Variants in TDRP observed in about 807,000 individuals in gnomAD.
TDRP encodes testis development-related protein.
In TDRP, 12 loss-of-function variants were observed where a neutral mutation model predicts 10.5. That is an observed-to-expected ratio of 1.15 (90% CI 0.73 to 1.86). TDRP has a LOEUF of 1.86. Ranked by LOEUF, TDRP falls within the 40% of genes most tolerant of loss-of-function variation. TDRP has a pLI of 0.00. For synonymous variants in TDRP, 139 were observed against 95.4 expected (o/e 1.46, Z -2.67); for missense variants, 353 against 229.2 (o/e 1.54, Z -3.49).
At position 531,017 on chromosome 8, in the gene TDRP, G is replaced by A. The variant is rs1563130615; in HGVS notation, c.108+13633C>T. Among the ~76,000 whole-genome samples, 7 of 152,146 alleles carry A rather than the reference G, an allele frequency of 4.6e-5. No individual in the cohort carries two copies. The South Asian group carries it at 1.5e-3, about 32-fold the overall frequency. ...TATGCCAGTTCCCAGTCAGCACTGA[G>A]TCAGGAGAGACAGAAACCAGTCCAT... On this transcript the variant is annotated intron_variant, in intron 1 of 2. Transcript: ENST00000324079.
intron 1 of TDRP, among the ~76,000 whole-genome samples, chr8:528,559 G>A (rs1175303989): frequency 2.9e-5 from 4 of 140,196 alleles, no homozygotes; most frequent in Non-Finnish European, 6.4e-5. Context: ...ATAAGATCTG[G>A]TACTTGACAG....
intron 1 of TDRP, among the ~76,000 whole-genome samples, chr8:501,835 G>C (rs1801310724): frequency 6.6e-6 from 1 of 152,212 alleles, no homozygotes; most frequent in Non-Finnish European, 1.5e-5. Context: ...TGGCGTCCCT[G>C]CAGTCATGGG....
intron 1 of TDRP, among the ~76,000 whole-genome samples, chr8:532,621 C>T (rs1802237296): frequency 6.6e-6 from 1 of 152,146 alleles, no homozygotes; most frequent in Non-Finnish European, 1.5e-5. Context: ...ATGGAAGCTC[C>T]GGAAGAATAT....
chr8:531,183 C>T (rs1385906799), intron 1 of TDRP, among the ~76,000 whole-genome samples: 1 of 151,832 alleles, frequency 6.6e-6, no homozygotes, highest in Non-Finnish European at 1.5e-5. Flanking sequence ...CTTTTTTTTT[C>T]TCCTACTTCA....
Position 534,101 on chromosome 8 carries a change from G to A in TDRP, c.108+10549C>T, listed in dbSNP as rs190744167. Among the ~76,000 whole-genome samples the A allele has an allele frequency of 4.0e-4, 61 of 152,230 alleles. 1 individual carries two copies. Among genetic ancestry groups the A allele is most frequent in the Non-Finnish European group, 2.9e-4 (20 of 68,016 alleles). On this transcript the variant is annotated intron_variant, in intron 1 of 2. Coordinates refer to ENST00000324079, the MANE Select transcript of TDRP (RefSeq NM_001384899.1). ...ATCAGAAATTTGTCATAACCTATAAGGTAAGAGAATTCAACAAAGAATATA... is the reference window on the plus strand; with the variant it reads ...ATCAGAAATTTGTCATAACCTATAAAGTAAGAGAATTCAACAAAGAATATA...
chr8:521,029 T>C (rs1254028160), intron 1 of TDRP, among the ~76,000 whole-genome samples: 2 of 152,140 alleles, frequency 1.3e-5, no homozygotes, highest in African/African-American at 4.8e-5. Context: ...GAACCTTTTC[T>C]CCCGTTTTCT....
At chr8:541,529 A>G (rs1435892208) in intron 1 of TDRP, among the ~76,000 whole-genome samples, 1 of 152,262 alleles carries the variant, frequency 6.6e-6, no homozygotes, top group African/African-American at 2.4e-5. Flanking sequence ...CTAGTATCCA[A>G]AACATACAAA....
intron 1 of TDRP, among the ~76,000 whole-genome samples, chr8:522,977 C>T (rs1801945511): frequency 1.3e-5 from 2 of 152,082 alleles, no homozygotes; most frequent in Non-Finnish European, 2.9e-5. Flanking sequence ...GATTAAACCA[C>T]ACGTAGTTTT....
intron 1 of TDRP, among the ~76,000 whole-genome samples, chr8:512,267 C>CA (rs1447071027): frequency 6.5e-5 from 8 of 123,110 alleles, no homozygotes; most frequent in Non-Finnish European, 1.4e-4. Context: ...ACAACAACAA[C>CA]AACAACAAAA....
At chr8:520,305 T>A (rs1801867707) in intron 1 of TDRP, among the ~76,000 whole-genome samples, 1 of 152,210 alleles carries the variant, frequency 6.6e-6, no homozygotes, top group Non-Finnish European at 1.5e-5. Flanking sequence ...TAAGGCTGAA[T>A]AATATTCCAT....
chr8:517,661 A>T (rs984545097), intron 1 of TDRP, among the ~76,000 whole-genome samples: 2 of 152,196 alleles, frequency 1.3e-5, no homozygotes, highest in African/African-American at 4.8e-5. Flanking sequence ...TATTGATTTA[A>T]AACTGTAACT....
At chr8:523,651 A>G (rs1049130330) in intron 1 of TDRP, among the ~76,000 whole-genome samples, 1 of 152,154 alleles carries the variant, frequency 6.6e-6, no homozygotes, top group African/African-American at 2.4e-5. Flanking sequence ...CATCGGCAAT[A>G]GCCTGGCAAT....
chr8:520,858 G>A (rs909348746), intron 1 of TDRP, among the ~76,000 whole-genome samples: 1 of 152,078 alleles, frequency 6.6e-6, no homozygotes, highest in African/African-American at 2.4e-5. Flanking sequence ...TAGAGATATG[G>A]CTGAGAAATA....
At chr8:531,159 G>A (rs1802183653) in intron 1 of TDRP, among the ~76,000 whole-genome samples, 1 of 152,170 alleles carries the variant, frequency 6.6e-6, no homozygotes. Flanking sequence ...GGAAAGGCAG[G>A]TGAAATTAAA....
intron 1 of TDRP, among the ~76,000 whole-genome samples, chr8:506,332 G>A (rs576077027): frequency 2.6e-5 from 4 of 152,236 alleles, no homozygotes; most frequent in South Asian, 4.1e-4. Flanking sequence ...GAGGGGAGGA[G>A]AATCCACTCA....
rs1210321358 is a variant in TDRP, at chr8:544,294, G to C, written c.108+356C>G. Among the ~76,000 whole-genome samples, 6 of 151,916 alleles carry C rather than the reference G, an allele frequency of 3.9e-5. No homozygotes were observed. In the South Asian group the frequency reaches 1.2e-3, roughly 32 times the overall value. On this transcript the variant is annotated intron_variant, in intron 1 of 2. Coordinates refer to ENST00000324079, the MANE Select transcript of TDRP (RefSeq NM_001384899.1). ...CCCGGGCCCACGACGCCCGCGCCGC[G>C]GGGTGCGCGCACTGCGTCCCCGCTC...
chr8:512,731 T>G (rs1801652067), intron 1 of TDRP, among the ~76,000 whole-genome samples: 1 of 152,176 alleles, frequency 6.6e-6, no homozygotes, highest in Non-Finnish European at 1.5e-5. Flanking sequence ...TCTCAGCATT[T>G]TTGTAGGCAA....
intron 1 of TDRP, among the ~76,000 whole-genome samples, chr8:512,744 GT>G (rs1801652386): frequency 6.6e-6 from 1 of 152,100 alleles, no homozygotes; most frequent in South Asian, 2.1e-4. Flanking sequence ...GTAGGCAAAG[GT>G]GGGCAGATCA....
chr8:521,657 GGAAAGTGT>G (rs1402757268), intron 1 of TDRP, among the ~76,000 whole-genome samples: 1 of 152,104 alleles, frequency 6.6e-6, no homozygotes, highest in Non-Finnish European at 1.5e-5. Context: ...TTTTCAAGTT[GGAAAGTGT>G]GAGGCTTCCA....
Sources: allele counts gnomAD v4.1 joint callset (sites outside exome capture counted in the v4.1 genomes callset), GRCh38; gene constraint gnomAD v4.1.1; transcripts MANE v1.5; gene names NCBI Gene and HGNC (gene_info 2026-07-23, HGNC 2026-07-21).